Variants in ADARB2 observed in about 807,000 individuals in gnomAD.
ADARB2 encodes inactive double-stranded RNA-specific editase B2.
Under a neutral mutation model 62.2 loss-of-function variants are expected in ADARB2, and 25 were observed. The observed-to-expected ratio is 0.40, with a 90% CI of 0.29 to 0.56. The LOEUF is 0.56. Among genes scored for constraint, ADARB2 ranks in the 20% least tolerant of loss-of-function variants. The pLI, the probability that ADARB2 is intolerant of heterozygous loss-of-function variation, is 0.43. For synonymous variants in ADARB2, 572 were observed against 500.8 expected (o/e 1.14, Z -1.90); for missense variants, 1,071 against 1,077.4 (o/e 0.99, Z 0.08).
intron 6 of ADARB2, among the ~76,000 whole-genome samples, chr10:1,227,630 A>G (rs1317159965): frequency 6.6e-6 from 1 of 152,202 alleles, no homozygotes; most frequent in African/African-American, 2.4e-5. Context: ...GGGGAGAATC[A>G]AAAGGAATTG....
chr10:1,663,578 C>T (rs965541075), intron 1 of ADARB2, among the ~76,000 whole-genome samples: 31 of 152,038 alleles, frequency 2.0e-4, no homozygotes, highest in Admixed American at 1.0e-3. Flanking sequence ...TAATAATGTG[C>T]ATTTAAGCTT....
rs1169376815 is a variant in ADARB2 at position 1,220,105 on chromosome 10, GTGGTGATGA to G, written c.1514-2995_1514-2987del. On this transcript the variant is annotated intron_variant, in intron 6 of 9. Coordinates refer to ENST00000381312, the MANE Select transcript of ADARB2 (RefSeq NM_018702.4). Reference sequence around the variant, plus strand: ...GATGGTGGTAATGGTGATGGTGGTGGTGGTGATGATGGTGATGATGGTGAAGATAATGAT... The same window carrying G: ...GATGGTGGTAATGGTGATGGTGGTGGTGGTGATGATGGTGAAGATAATGAT... Among the ~76,000 whole-genome samples, 281 of 147,948 alleles carry G rather than the reference GTGGTGATGA, an allele frequency of 1.9e-3. 1 individual carries two copies. Among genetic ancestry groups the G allele is most frequent in the Middle Eastern group, 3.7e-3 (1 of 270 alleles).
At chr10:1,735,052 T>G (rs1835284010) in intron 1 of ADARB2, among the ~76,000 whole-genome samples, 2 of 152,204 alleles carry the variant, frequency 1.3e-5, no homozygotes, top group African/African-American at 2.4e-5. Context: ...CCCCAAAAAT[T>G]GAATCTTTAG....
chr10:1,318,884 C>T (rs1831769772), intron 3 of ADARB2, among the ~76,000 whole-genome samples: 1 of 152,208 alleles, frequency 6.6e-6, no homozygotes, highest in Non-Finnish European at 1.5e-5. Flanking sequence ...AGCCTCCAGA[C>T]AGGCATCTGT....
At chr10:1,591,687 T>G (rs1409414591) in intron 1 of ADARB2, among the ~76,000 whole-genome samples, 1 of 138,046 alleles carries the variant, frequency 7.2e-6, no homozygotes, top group African/African-American at 2.7e-5. Flanking sequence ...ACGCACACAC[T>G]CACCAGGACC....
chr10:1,565,926 C>T (rs1045147641), intron 1 of ADARB2, among the ~76,000 whole-genome samples: 5 of 152,180 alleles, frequency 3.3e-5, no homozygotes, highest in Non-Finnish European at 4.4e-5. Flanking sequence ...CAGCCATCAC[C>T]GTCTCAGCTT....
chr10:1,539,332 G>C (rs984715681), intron 1 of ADARB2, among the ~76,000 whole-genome samples: 1 of 152,222 alleles, frequency 6.6e-6, no homozygotes, highest in Non-Finnish European at 1.5e-5. Flanking sequence ...AAGCCTTGCA[G>C]GTGTTAGGCA....
rs936921956 is a variant in ADARB2 at position 1,180,145 on chromosome 10, C to T, written c.*3048G>A. On this transcript the variant is annotated 3_prime_UTR_variant, in exon 10 of 10. Coordinates refer to ENST00000381312, the MANE Select transcript of ADARB2 (RefSeq NM_018702.4). ...CAGGCTTCAACACGAGCCCTTCCAT[C>T]TCTGCAGAGGTGGCACAGCCCCTCC... The T allele has an allele frequency of 3.3e-5, 5 of 152,224 alleles. No individual in the cohort carries two copies. The highest frequency in any genetic ancestry group is 7.3e-5 in the Non-Finnish European group (5 of 68,102). The allele number at this position is 152,224 out of a possible 1,614,324, so 9.4% of individuals were successfully genotyped here.
intron 1 of ADARB2, among the ~76,000 whole-genome samples, chr10:1,456,475 C>T (rs1422866107): frequency 6.6e-6 from 1 of 152,136 alleles, no homozygotes; most frequent in Non-Finnish European, 1.5e-5. Context: ...CTCCCGTCCC[C>T]GGCCCAAAAC....
chr10:1,651,832 G>A (rs1834114989), intron 1 of ADARB2, among the ~76,000 whole-genome samples: 1 of 41,544 alleles, frequency 2.4e-5, no homozygotes, highest in Non-Finnish European at 6.1e-5. Context: ...GGGCCCCTCA[G>A]GGCTCTTCTC....
intron 1 of ADARB2, among the ~76,000 whole-genome samples, chr10:1,401,734 GAGCCTCACGC>G (rs1832665293): frequency 6.6e-6 from 1 of 152,154 alleles, no homozygotes; most frequent in Non-Finnish European, 1.5e-5. Context: ...GTTTTTCTGT[GAGCCTCACGC>G]TCTCTAGAGG....
At chr10:1,241,773 C>G (rs1051514474) in intron 5 of ADARB2, among the ~76,000 whole-genome samples, 1 of 152,188 alleles carries the variant, frequency 6.6e-6, no homozygotes. Flanking sequence ...GCACTGCACT[C>G]ACGTTCTCTG....
intron 1 of ADARB2, among the ~76,000 whole-genome samples, chr10:1,685,584 G>A (rs775805686): frequency 6.6e-6 from 1 of 152,232 alleles, no homozygotes; most frequent in African/African-American, 2.4e-5. Context: ...AAAATGGAAT[G>A]TAAGAAATAA....
chr10:1,494,743 T>G (rs2131934092), intron 1 of ADARB2, among the ~76,000 whole-genome samples: 1 of 152,272 alleles, frequency 6.6e-6, no homozygotes, highest in African/African-American at 2.4e-5. Context: ...AAATACAAAA[T>G]TCAGGTGGAG....
chr10:1,643,414 T>C (rs1707587302), intron 1 of ADARB2, among the ~76,000 whole-genome samples: 1 of 152,214 alleles, frequency 6.6e-6, no homozygotes. Context: ...ACTTGACGTG[T>C]TACATTTTCC....
chr10:1,706,082 T>C (rs1223335363), intron 1 of ADARB2, among the ~76,000 whole-genome samples: 1 of 152,214 alleles, frequency 6.6e-6, no homozygotes, highest in African/African-American at 2.4e-5. Context: ...TGAATGACGG[T>C]AATGTGAGCA....
chr10:1,630,734 A>G (rs112614013), intron 1 of ADARB2, among the ~76,000 whole-genome samples: 3 of 152,184 alleles, frequency 2.0e-5, no homozygotes, highest in African/African-American at 4.8e-5. Context: ...AGGTGGGCAG[A>G]TCATGAGGTC....
rs762325895 is a variant in ADARB2 at position 1,398,581 on chromosome 10, C to A, written c.101-19421G>T. Among the ~76,000 whole-genome samples, 7 of 152,160 alleles carry A rather than the reference C, an allele frequency of 4.6e-5. No individual in the cohort carries two copies. Among genetic ancestry groups the A allele is most frequent in the Non-Finnish European group, 8.8e-5 (6 of 68,014 alleles). Reference sequence around the variant, plus strand: ...AAACTGTCAGAACCCAGTTCTGGTGCGGAGGTAAGACAACTCAAAAACGTG... The same window carrying A: ...AAACTGTCAGAACCCAGTTCTGGTGAGGAGGTAAGACAACTCAAAAACGTG... On this transcript the variant is annotated intron_variant, in intron 1 of 9. Coordinates refer to ENST00000381312, the MANE Select transcript of ADARB2 (RefSeq NM_018702.4). This position sits in a 1 kb window ranked among gnomAD's most constrained non-coding sequence, Gnocchi z 4.1.
intron 1 of ADARB2, among the ~76,000 whole-genome samples, chr10:1,669,951 T>G (rs1263603576): frequency 1.3e-5 from 2 of 150,708 alleles, no homozygotes; most frequent in African/African-American, 2.4e-5. Flanking sequence ...CACAGACACA[T>G]GCAGACACAC....
Sources: allele counts gnomAD v4.1 joint callset (sites outside exome capture counted in the v4.1 genomes callset), GRCh38; gene constraint gnomAD v4.1.1; non-coding constraint Gnocchi (gnomAD v3.1); transcripts MANE v1.5; gene names NCBI Gene and HGNC (gene_info 2026-07-23, HGNC 2026-07-21).